LRP1B: variants seen among roughly 807,000 people sequenced by gnomAD.
LRP1B encodes the protein LDL receptor related protein 1B.
LRP1B carries 217 observed loss-of-function variants against 556.6 expected under a neutral mutation model. The ratio of observed to expected loss-of-function variants is 0.39; its 90% CI spans 0.35 to 0.44. LRP1B has a LOEUF of 0.44. LRP1B is among the 20% of genes least tolerant of loss of function. The probability of loss-of-function intolerance (pLI) is 1.00; values close to 1 mark genes in which losing one functional copy is unlikely to be tolerated. For missense variants in LRP1B, 5,053 were observed against 5,620.8 expected (o/e 0.90, Z 3.23); for synonymous variants, 2,047 against 1,865.8 (o/e 1.10, Z -2.50).
chr2:141,345,729 C>T (rs909464079), intron 3 of LRP1B, among the ~76,000 whole-genome samples: 8 of 150,520 alleles, frequency 5.3e-5, no homozygotes, highest in African/African-American at 1.7e-4. Context: ...GGTCTTGAAC[C>T]ACTGGCCTCA....
At chr2:140,586,770 A>C (rs545802989) in intron 43 of LRP1B, 1 of 152,166 alleles carries the variant, frequency 6.6e-6, no homozygotes, top group South Asian at 2.1e-4. Flanking sequence ...TAAAAACAGA[A>C]GGGTTGAAAA....
intron 66 of LRP1B, among the ~76,000 whole-genome samples, chr2:140,407,796 T>C (rs1684807258): frequency 6.6e-6 from 1 of 151,942 alleles, no homozygotes; most frequent in Non-Finnish European, 1.5e-5. Flanking sequence ...TAAGAACAGA[T>C]CTGCCATTTG....
In LRP1B at chr2:140,485,468, G is replaced by A. The variant is rs1234168949; in HGVS notation, c.9300C>T (p.Asn3100=). The A allele has an allele frequency of 1.2e-6, 2 of 1,613,684 alleles. No individual in the cohort carries two copies. Among genetic ancestry groups the A allele is most frequent in the East Asian group, 4.5e-5 (2 of 44,842 alleles). The change falls in exon 59 of 91, where the codon AAC becomes AAT. Residue 3100 remains asparagine, a synonymous_variant. Transcript: ENST00000389484. The part of the protein sequence containing the change: ...NALAVDWIGK[N]LYWSDTEKRI... Reference sequence around the variant, plus strand: ...TTTTTTCTGTGTCAGACCAATAGAGGTTTTTTCCAATCCAATCGACAGCAA... The same window carrying A: ...TTTTTTCTGTGTCAGACCAATAGAGATTTTTTCCAATCCAATCGACAGCAA...
At chr2:141,983,481 T>C (rs1370052213) in intron 1 of LRP1B, among the ~76,000 whole-genome samples, 1 of 152,188 alleles carries the variant, frequency 6.6e-6, no homozygotes, top group Non-Finnish European at 1.5e-5. Context: ...CTATCTCTTA[T>C]TGAGAAAGGA....
At chr2:140,544,324 ATTAACTT>A (rs981056310) in intron 43 of LRP1B, among the ~76,000 whole-genome samples, 10 of 151,846 alleles carry the variant, frequency 6.6e-5, no homozygotes, top group African/African-American at 2.4e-4. Context: ...TCACAGGGGT[ATTAACTT>A]TTAAGTTCAG....
intron 79 of LRP1B, among the ~76,000 whole-genome samples, chr2:140,333,625 TA>T (rs1183471149): frequency 1.3e-5 from 2 of 152,056 alleles, no homozygotes; most frequent in African/African-American, 4.8e-5. Context: ...CTACAAAAGA[TA>T]TTACAATGCA....
chr2:140,401,526 G>A (rs1684501221), intron 66 of LRP1B, among the ~76,000 whole-genome samples: 1 of 152,178 alleles, frequency 6.6e-6, no homozygotes, highest in African/African-American at 2.4e-5. Flanking sequence ...CACAAATGGA[G>A]AGTCAGAGTG....
intron 35 of LRP1B, among the ~76,000 whole-genome samples, chr2:140,749,302 A>C (rs938525341): frequency 2.0e-5 from 3 of 152,208 alleles, no homozygotes; most frequent in African/African-American, 7.2e-5. Flanking sequence ...TAAATTTATT[A>C]AAAAATCTTT....
At chr2:140,420,685 A>G (rs760113986) in intron 66 of LRP1B, among the ~76,000 whole-genome samples, 7 of 152,226 alleles carry the variant, frequency 4.6e-5, no homozygotes, top group Non-Finnish European at 1.0e-4. Context: ...TAAAAGAATT[A>G]ATATTTGATA....
intron 2 of LRP1B, among the ~76,000 whole-genome samples, chr2:141,742,977 A>C (rs1558843835): frequency 1.3e-5 from 2 of 152,086 alleles, no homozygotes; most frequent in African/African-American, 2.4e-5. Context: ...ACTTTACTGA[A>C]TTTAACAGTT....
intron 7 of LRP1B, among the ~76,000 whole-genome samples, chr2:141,064,196 C>T (rs576645137): frequency 7.2e-5 from 11 of 151,860 alleles, no homozygotes; most frequent in African/African-American, 2.2e-4. Flanking sequence ...AATAAAAAAT[C>T]GAGTGGCTGA....
chr2:141,110,442 G>A (rs1452700207), intron 7 of LRP1B, among the ~76,000 whole-genome samples: 1 of 152,102 alleles, frequency 6.6e-6, no homozygotes, highest in Non-Finnish European at 1.5e-5. Context: ...ACAAGAGAAG[G>A]AAAAGTTTGC....
chr2:141,514,607 C>T (rs993468254), intron 2 of LRP1B, among the ~76,000 whole-genome samples: 12 of 151,954 alleles, frequency 7.9e-5, no homozygotes, highest in East Asian at 1.9e-4. Context: ...ACAGATGTTC[C>T]GAAAATTATG....
Position 140,541,863 on chromosome 2 carries a change from T to C in LRP1B, c.7303A>G (p.Thr2435Ala), listed in dbSNP as rs1276876197. The C allele has an allele frequency of 6.2e-7, 1 of 1,613,012 alleles. No homozygotes were observed. ...CGAAGAATTTTTGTATCTCCTCCTG[T>C]GTACTTGTTGGACCGCAGTATAGCT... ...RRAILRSNKY[T>A]GGDTKILRSD... is the part of the protein sequence containing the mutation. The change falls in exon 44 of 91, where the codon ACA becomes GCA. Residue 2435 changes from threonine to alanine, a missense_variant. By Grantham distance (58) the Thr-to-Ala change is moderately conservative. Transcript: ENST00000389484.
chr2:140,321,540 A>ATTAATTCTCAATTTCTAAG (rs1680128314), intron 82 of LRP1B, among the ~76,000 whole-genome samples: 1 of 152,048 alleles, frequency 6.6e-6, no homozygotes, highest in African/African-American at 2.4e-5. Context: ...TGGTTTCTAA[A>ATTAATTCTCAATTTCTAAG]TTAATTCTCA....
chr2:140,789,618 C>CTTT lies in LRP1B; in HGVS notation c.5360-13383_5360-13381dup, dbSNP rs756120273. On this transcript the variant is annotated intron_variant, in intron 32 of 90. Transcript: ENST00000389484. ...GCCAAGCACGATCTAGCTTTAAGGACTTTTTTTTTTTTTTTTTTTTTTTTT... is the reference window on the plus strand; with the variant it reads ...GCCAAGCACGATCTAGCTTTAAGGACTTTTTTTTTTTTTTTTTTTTTTTTTTTT... 6.8e-4 allele frequency among the ~76,000 whole-genome samples: 49 copies of CTTT among 71,764 alleles called. 3 individuals are homozygous for CTTT. Among genetic ancestry groups the CTTT allele is most frequent in the East Asian group, 3.3e-3 (8 of 2,460 alleles). 47.1% of individuals were successfully genotyped at this position (71,764 alleles called of 152,430 possible). A position where few individuals can be genotyped will look rare whatever the true frequency, so the allele number is the denominator to read the frequency against.
At chr2:140,471,921 T>C (rs1190475488) in intron 60 of LRP1B, among the ~76,000 whole-genome samples, 1 of 152,186 alleles carries the variant, frequency 6.6e-6, no homozygotes, top group Non-Finnish European at 1.5e-5. Flanking sequence ...CTATTACATC[T>C]TTGCACATGC....
chr2:140,916,144 G>C (rs1573875770), intron 21 of LRP1B, among the ~76,000 whole-genome samples: 1 of 152,218 alleles, frequency 6.6e-6, no homozygotes, highest in Non-Finnish European at 1.5e-5. Context: ...ACAATGAACA[G>C]CTTGCCATAT....
intron 40 of LRP1B, among the ~76,000 whole-genome samples, chr2:140,701,117 T>TCACCAGTCTAATTCTC (rs1559063752): frequency 2.0e-5 from 3 of 151,214 alleles, no homozygotes; most frequent in African/African-American, 7.3e-5. Flanking sequence ...ACTTAAAATT[T>TCACCAGTCTAATTCTC]CTTCACCAGT....
Sources: gnomAD v4.1 joint callset for allele counts (sites outside exome capture counted in the v4.1 genomes callset) on GRCh38, gnomAD v4.1.1 for gene constraint, MANE v1.5 for transcripts, NCBI Gene and HGNC (gene_info 2026-07-23, HGNC 2026-07-21) for gene names.